The following EML6 variants were observed in gnomAD, a reference collection of about 807,000 sequenced individuals.
EML6 encodes the protein echinoderm microtubule-associated protein-like 6.
EML6 carries 154 observed loss-of-function variants against 240.1 expected under a neutral mutation model. That is an observed-to-expected ratio of 0.64 (90% CI 0.56 to 0.73). The LOEUF is 0.73. EML6 is among the 30% of genes least tolerant of loss of function. EML6 has a pLI of 0.00. For missense variants in EML6, 2,964 were observed against 2,474.6 expected (o/e 1.20, Z -4.20); for synonymous variants, 1,148 against 899.0 (o/e 1.28, Z -4.95).
intron 2 of EML6, among the ~76,000 whole-genome samples, chr2:54,781,129 A>C (rs1668837872): frequency 6.6e-6 from 1 of 152,190 alleles, no homozygotes; most frequent in African/African-American, 2.4e-5. Context: ...GATCCCAATG[A>C]CCCAACTATA....
chr2:54,753,009 G>T, intron 2 of EML6, among the ~76,000 whole-genome samples: 1 of 152,134 alleles, frequency 6.6e-6, no homozygotes, highest in East Asian at 1.9e-4. Context: ...GGCTGGTCTC[G>T]AACTCCGTGA....
chr2:54,903,627 A>C, intron 24 of EML6, 125 bp downstream of exon 24: 4 of 710,652 alleles, frequency 5.6e-6, no homozygotes, highest in Non-Finnish European at 6.4e-6. Context: ...ACAACAATAT[A>C]AACGACTGTA....
chr2:54,729,923 C>G (rs751506954), intron 2 of EML6, among the ~76,000 whole-genome samples: 26 of 152,190 alleles, frequency 1.7e-4, no homozygotes, highest in Non-Finnish European at 2.9e-4. Context: ...ATCACTTGAG[C>G]TTGGGGGTTC....
intron 16 of EML6, among the ~76,000 whole-genome samples, chr2:54,872,536 C>T (rs1671309661): frequency 6.6e-6 from 1 of 152,210 alleles, no homozygotes; most frequent in Non-Finnish European, 1.5e-5. Context: ...ATCCCACCCT[C>T]TTCTGGAGTC....
intron 16 of EML6, among the ~76,000 whole-genome samples, chr2:54,877,536 C>A (rs560267739): frequency 7.9e-5 from 12 of 152,182 alleles, no homozygotes; most frequent in Admixed American, 3.9e-4. Context: ...GGCATGCCAA[C>A]ATAGAAACAA....
intron 2 of EML6, among the ~76,000 whole-genome samples, chr2:54,775,066 G>A (rs1367095240): frequency 6.6e-6 from 1 of 152,232 alleles, no homozygotes; most frequent in Admixed American, 6.5e-5. Context: ...GTGTGAGCCA[G>A]CATTTCTCAC....
At chr2:54,827,803 C>G in intron 6 of EML6, 52 bp downstream of exon 6, 1 of 1,256,876 alleles carries the variant, frequency 8.0e-7, no homozygotes, top group South Asian at 1.3e-5. Flanking sequence ...TAAGGTAAGA[C>G]CACGAATCCC....
intron 2 of EML6, among the ~76,000 whole-genome samples, chr2:54,763,514 CT>C (rs1438748500): frequency 1.3e-5 from 2 of 152,166 alleles, no homozygotes; most frequent in Non-Finnish European, 2.9e-5. Flanking sequence ...ATTTTATTAT[CT>C]TTTAAGTTAG....
Position 54,725,998 on chromosome 2 carries a change from G to A in EML6, c.197+740G>A, listed in dbSNP as rs776144581. 6.6e-6 allele frequency among the ~76,000 whole-genome samples: 1 copy of A among 152,178 alleles called. No individual in the cohort carries two copies. The highest frequency in any genetic ancestry group is 2.4e-5 in the African/African-American group (1 of 41,434). On this transcript the variant is annotated intron_variant, in intron 2 of 41. Coordinates refer to ENST00000356458, the MANE Select transcript of EML6 (RefSeq NM_001039753.4). The surrounding 1 kb of genome is among the most constrained non-coding windows in gnomAD (Gnocchi z 4.3). ...GAATGGCCGTTTTAGGGGCCCTCCC[G>A]ATTAAATGGAAAGGGGTTATATTGT...
chr2:54,937,553 TAAAAAAAAAAAAA>T lies in EML6; in HGVS notation c.4004+8819_4004+8831del, dbSNP rs34682923. ...GGGCCATAGAGCAAGACTCTGTCTTTAAAAAAAAAAAAAAAAAAAAAAAAAAAAAGTAGAAAAG... is the reference window on the plus strand; with the variant it reads ...GGGCCATAGAGCAAGACTCTGTCTTTAAAAAAAAAAAAAAAAGTAGAAAAG... On this transcript the variant is annotated intron_variant, in intron 28 of 41. Transcript: ENST00000356458. 1.0e-4 allele frequency among the ~76,000 whole-genome samples: 7 copies of T among 68,152 alleles called. No homozygotes were observed. In the South Asian group the frequency reaches 2.0e-3, roughly 19 times the overall value. The allele number at this position is 68,152 out of a possible 152,430, so 44.7% of individuals were successfully genotyped here.
At chr2:54,885,662 A>G (rs777364437) in intron 17 of EML6, among the ~76,000 whole-genome samples, 2 of 151,992 alleles carry the variant, frequency 1.3e-5, no homozygotes, top group Non-Finnish European at 2.9e-5. Context: ...CCCAGGCCAG[A>G]GTGCAGTGGC....
In EML6 at chr2:54,790,529, C is replaced by CT. The variant is rs1667273405; in HGVS notation, c.198-22702dup. Among the ~76,000 whole-genome samples the CT allele has an allele frequency of 2.0e-5, 3 of 152,068 alleles. No homozygotes were observed. The East Asian group carries it at 5.8e-4, about 29-fold the overall frequency. On this transcript the variant is annotated intron_variant, in intron 2 of 41. Coordinates refer to ENST00000356458, the MANE Select transcript of EML6 (RefSeq NM_001039753.4). ...TCTATTGTCACCACCCATTTCACGG[C>CT]TGGAGGGTCCATTCTTGTATCATTC... is the stretch of plus-strand genomic sequence containing the variant.
intron 27 of EML6, 39 bp downstream of exon 27, chr2:54,928,553 G>A: frequency 3.2e-6 from 5 of 1,549,206 alleles, no homozygotes; most frequent in Non-Finnish European, 4.4e-6. Context: ...TGCGCCGAAT[G>A]CACCTCCCAA....
chr2:54,855,157 T>C (rs770898820), intron 11 of EML6, among the ~76,000 whole-genome samples: 1 of 152,216 alleles, frequency 6.6e-6, no homozygotes. Context: ...CTTGGTAATT[T>C]ATAAAGAATA....
chr2:54,897,838 A>G (rs557437692), intron 21 of EML6, among the ~76,000 whole-genome samples: 5 of 152,156 alleles, frequency 3.3e-5, no homozygotes, highest in Non-Finnish European at 7.4e-5. Flanking sequence ...GTGCAGTGGA[A>G]TAAGGGCTTC....
chr2:54,749,510 CCAA>C (rs1684060159), intron 2 of EML6, among the ~76,000 whole-genome samples: 2 of 151,950 alleles, frequency 1.3e-5, no homozygotes, highest in Non-Finnish European at 1.5e-5. Flanking sequence ...GAAGATAAAA[CCAA>C]CATTTTATAA....
Position 54,724,083 on chromosome 2 carries a change from C to G in EML6, c.-514+306C>G, listed in dbSNP as rs1465931077. 1.3e-5 allele frequency among the ~76,000 whole-genome samples: 2 copies of G among 152,214 alleles called. No homozygotes were observed. Among genetic ancestry groups the G allele is most frequent in the East Asian group, 1.9e-4 (1 of 5,194 alleles). On this transcript the variant is annotated intron_variant, in intron 1 of 41. Coordinates refer to ENST00000356458, the MANE Select transcript of EML6 (RefSeq NM_001039753.4). The surrounding 1 kb of genome is among the most constrained non-coding windows in gnomAD (Gnocchi z 5.2). ...TTTTGCCACTTGTTATTTGATTTCT[C>G]CTCGACCAGGAGCGTTTGTAGGTAG...
At position 54,739,230 on chromosome 2, in the gene EML6, G is replaced by A. The variant is rs1187844035; in HGVS notation, c.197+13972G>A. On this transcript the variant is annotated intron_variant, in intron 2 of 41. Coordinates refer to ENST00000356458, the MANE Select transcript of EML6 (RefSeq NM_001039753.4). ...ACACATACAATTAAAAGTTTTAGTA[G>A]TTCTTATAATTACTATGATTTAAAA... Among the ~76,000 whole-genome samples, 4 of 152,100 alleles carry A rather than the reference G, an allele frequency of 2.6e-5. No individual in the cohort carries two copies. In the East Asian group the frequency reaches 7.7e-4, roughly 29 times the overall value.
intron 2 of EML6, among the ~76,000 whole-genome samples, chr2:54,784,416 C>T (rs1668987069): frequency 6.6e-6 from 1 of 152,004 alleles, no homozygotes; most frequent in African/African-American, 2.4e-5. Context: ...AACTTGTTAC[C>T]ATATGTATTT....
Sources: gnomAD v4.1 joint callset for allele counts (sites outside exome capture counted in the v4.1 genomes callset) on GRCh38, gnomAD v4.1.1 for gene constraint, Gnocchi (gnomAD v3.1) non-coding constraint, MANE v1.5 for transcripts, NCBI Gene and HGNC (gene_info 2026-07-23, HGNC 2026-07-21) for gene names.